CD96: variants seen among roughly 807,000 people sequenced by gnomAD.
The protein encoded by CD96 is CD96 molecule, also known as T-cell surface protein tactile.
A neutral mutation model predicts 71.3 loss-of-function variants in CD96; 70 were observed. That is an observed-to-expected ratio of 0.98 (90% CI 0.81 to 1.20). CD96 has a LOEUF of 1.20. Ranked by LOEUF, CD96 falls within the 50% of genes most tolerant of loss-of-function variation. CD96 has a pLI of 0.00. For missense variants in CD96, 742 were observed against 677.5 expected (o/e 1.10, Z -1.06); for synonymous variants, 248 against 233.0 (o/e 1.06, Z -0.59).
downstream of CD96, among the ~76,000 whole-genome samples, chr3:111,654,411 T>C (rs1450315326): frequency 6.6e-6 from 1 of 152,234 alleles, no homozygotes; most frequent in Non-Finnish European, 1.5e-5. Flanking sequence ...GGAACACTTT[T>C]GGAATTATTG....
At position 111,607,060 on chromosome 3, in the gene CD96, A is replaced by G. The variant is rs1937653863; in HGVS notation, c.1180+268A>G. 6 of 509,874 alleles carry G rather than the reference A, an allele frequency of 1.2e-5. No individual in the cohort carries two copies. In the South Asian group the frequency reaches 1.3e-4, roughly 11 times the overall value. The allele number at this position is 509,874 out of a possible 1,614,324, so 31.6% of individuals were successfully genotyped here. A position where few individuals can be genotyped will look rare whatever the true frequency, so the allele number is the denominator to read the frequency against. Reference sequence around the variant, plus strand: ...AATTTCAGAACATTTTCATCATCTAATAAAGAAACTCCTAAACATATTAAA... The same window carrying G: ...AATTTCAGAACATTTTCATCATCTAGTAAAGAAACTCCTAAACATATTAAA... On this transcript the variant is annotated intron_variant, in intron 8 of 13. Coordinates refer to ENST00000352690, the MANE Select transcript of CD96 (RefSeq NM_005816.5).
intron 12 of CD96, 147 bp from the exon 13 acceptor site, chr3:111,647,396 T>C: frequency 2.6e-6 from 2 of 762,166 alleles, no homozygotes; most frequent in South Asian, 1.4e-5. Flanking sequence ...CTCATGTAGG[T>C]AACAAGGCTT....
chr3:111,647,412 T>G (rs1576433239), intron 12 of CD96, 131 bp from the exon 13 acceptor site: 1 of 837,220 alleles, frequency 1.2e-6, no homozygotes, highest in Non-Finnish European at 2.1e-6. Context: ...GGCTTAGACA[T>G]GCCCACCTCC....
In CD96 at chr3:111,545,052, G is replaced by C. The variant is rs758432035; in HGVS notation, c.68G>C (p.Trp23Ser). ...TCATGTTCTTTCTTTTCAGGAGTTT[G>C]GGAAAAAACAGTCAACACAGAAGAA... The part of the protein sequence containing the change: ...IIQIHFVKGV[W>S]EKTVNTEENV... The change falls in exon 2 of 14, where the codon TGG becomes TCG. Residue 23 changes from tryptophan to serine, a missense_variant. Coordinates refer to ENST00000352690, the MANE Select transcript of CD96 (RefSeq NM_005816.5). 1.2e-6 allele frequency: 2 copies of C among 1,613,334 alleles called. No individual in the cohort carries two copies. Among genetic ancestry groups the C allele is most frequent in the Admixed American group, 3.3e-5 (2 of 60,022 alleles).
intron 5 of CD96, among the ~76,000 whole-genome samples, chr3:111,589,263 TA>T (rs1453657852): frequency 1.2e-4 from 19 of 152,196 alleles, no homozygotes; most frequent in Admixed American, 1.2e-3. Flanking sequence ...TTTTGTTTTT[TA>T]TAAGGATCTC....
intron 2 of CD96, among the ~76,000 whole-genome samples, chr3:111,550,424 G>A (rs1934639039): frequency 6.6e-6 from 1 of 151,954 alleles, no homozygotes; most frequent in Non-Finnish European, 1.5e-5. Flanking sequence ...TGGTGGTGGT[G>A]GTTTCAATTA....
At chr3:111,544,835 A>G (rs6764960) in intron 1 of CD96, among the ~76,000 whole-genome samples, 103,383 of 151,996 alleles carry the variant, frequency 0.68, 35,500 homozygotes, top group African/African-American at 0.77. Flanking sequence ...GTCAGTAATT[A>G]CCTCTAGCTT....
At chr3:111,646,097 C>A (rs564446774) in intron 12 of CD96, among the ~76,000 whole-genome samples, 3 of 152,188 alleles carry the variant, frequency 2.0e-5, no homozygotes, top group Admixed American at 2.0e-4. Context: ...GAAAGAAAAC[C>A]AATCCAGATA....
chr3:111,552,215 G>A (rs559663937), intron 2 of CD96, among the ~76,000 whole-genome samples: 1 of 151,970 alleles, frequency 6.6e-6, no homozygotes, highest in African/African-American at 2.4e-5. Context: ...CCTTTAAGAG[G>A]TGATATAAGG....
chr3:111,606,981 A>G (rs1937650521), intron 8 of CD96, 189 bp downstream of exon 8: 1 of 648,700 alleles, frequency 1.5e-6, no homozygotes, highest in East Asian at 2.8e-5. Context: ...TTTAAAATGT[A>G]TGATCTAATG....
chr3:111,607,736 A>G (rs1268942410), intron 8 of CD96, among the ~76,000 whole-genome samples: 1 of 152,212 alleles, frequency 6.6e-6, no homozygotes, highest in Non-Finnish European at 1.5e-5. Flanking sequence ...CTTCTCAGAA[A>G]ATGAAGCAAG....
At chr3:111,664,773 G>A (rs1026903891) in intron 14 of CD96, among the ~76,000 whole-genome samples, 1 of 152,188 alleles carries the variant, frequency 6.6e-6, no homozygotes, top group Non-Finnish European at 1.5e-5. Context: ...GGAGGCTAAA[G>A]AGACATGACA....
Position 111,626,306 on chromosome 3 carries a change from CA to C in CD96, c.1321+1924del, listed in dbSNP as rs71131971. 7.6e-3 allele frequency among the ~76,000 whole-genome samples: 564 copies of C among 74,678 alleles called. 1 individual carries two copies. Among genetic ancestry groups the C allele is most frequent in the African/African-American group, 0.03 (524 of 17,674 alleles). 49.0% of individuals were successfully genotyped at this position (74,678 alleles called of 152,430 possible). On this transcript the variant is annotated intron_variant, in intron 10 of 13. Transcript: ENST00000352690. ...TGGGTGACAGAGTAAGACTCCGTCT[CA>C]AAAAAAAAAAAAAAAAAAAAAGAAA...
Position 111,624,397 on chromosome 3 carries a change from C to G in CD96, c.1314C>G (p.Thr438=), listed in dbSNP as rs1328619723. The change falls in exon 10 of 14, where the codon ACC becomes ACG. Residue 438 remains threonine (T), a synonymous_variant. Transcript: ENST00000352690. The part of the protein sequence containing the change: ...NYPWTSSGTD[T]KKSVSRIPSE... ...CCTGGACCTCCAGTGGGACAGATAC[C>G]AAAAAATGTTAAGTATAATCGTGGG... 3.1e-6 allele frequency: 5 copies of G among 1,599,196 alleles called. No homozygotes were observed. Among genetic ancestry groups the G allele is most frequent in the Non-Finnish European group, 4.3e-6 (5 of 1,166,620 alleles).
At chr3:111,613,483 A>G (rs951829354) in intron 8 of CD96, among the ~76,000 whole-genome samples, 3 of 152,238 alleles carry the variant, frequency 2.0e-5, no homozygotes, top group Admixed American at 2.0e-4. Context: ...TGCTGGGCTG[A>G]AGGTCAGTGC....
downstream of CD96, among the ~76,000 whole-genome samples, chr3:111,655,267 A>G (rs908901898): frequency 3.9e-5 from 6 of 152,224 alleles, no homozygotes; most frequent in African/African-American, 1.4e-4. Context: ...TCTGACAAGC[A>G]CTTTTCCTGA....
At chr3:111,583,668 A>G (rs1245895458) in intron 4 of CD96, among the ~76,000 whole-genome samples, 1 of 152,242 alleles carries the variant, frequency 6.6e-6, no homozygotes, top group Non-Finnish European at 1.5e-5. Flanking sequence ...GGAAGCTGCC[A>G]AGGCTTGGGG....
chr3:111,640,550 C>T (rs185291828), intron 12 of CD96, among the ~76,000 whole-genome samples: 15 of 152,188 alleles, frequency 9.9e-5, no homozygotes, highest in African/African-American at 3.4e-4. Flanking sequence ...ATTCTAAAAG[C>T]CTGGAAAACA....
intron 10 of CD96, among the ~76,000 whole-genome samples, chr3:111,629,183 T>C (rs1169614254): frequency 6.6e-6 from 1 of 152,168 alleles, no homozygotes; most frequent in Non-Finnish European, 1.5e-5. Flanking sequence ...TAAATGTAAA[T>C]GGGCTAAATG....
Sources: allele counts gnomAD v4.1 joint callset (sites outside exome capture counted in the v4.1 genomes callset), GRCh38; gene constraint gnomAD v4.1.1; transcripts MANE v1.5; gene names NCBI Gene and HGNC (gene_info 2026-07-23, HGNC 2026-07-21).